NUP188: variants seen among roughly 807,000 people sequenced by gnomAD.
The protein encoded by NUP188 is nucleoporin NUP188.
In NUP188, 97 loss-of-function variants were observed where a neutral mutation model predicts 223.0. The ratio of observed to expected loss-of-function variants is 0.43; its 90% confidence interval spans 0.37 to 0.51. NUP188 has a LOEUF of 0.51. Ranked by LOEUF, NUP188 falls within the 20% of genes least tolerant of loss-of-function variation. The pLI is 0.00. For missense variants in NUP188, 1,947 were observed against 2,175.6 expected (o/e 0.89, Z 2.09); for synonymous variants, 869 against 828.0 (o/e 1.05, Z -0.85).
intron 8 of NUP188, among the ~76,000 whole-genome samples, chr9:128,959,411 G>A (rs1345340070): frequency 6.6e-6 from 1 of 151,680 alleles, no homozygotes; most frequent in Non-Finnish European, 1.5e-5. Context: ...CAAAGTGCTG[G>A]GATTACAAGT....
intron 8 of NUP188, among the ~76,000 whole-genome samples, chr9:128,965,191 T>A (rs1435683066): frequency 6.6e-6 from 1 of 152,122 alleles, no homozygotes; most frequent in Non-Finnish European, 1.5e-5. Flanking sequence ...TTTTTAAAAT[T>A]TTCATCAAGT....
At chr9:128,952,240 T>G (rs1841799373) in intron 2 of NUP188, among the ~76,000 whole-genome samples, 1 of 150,626 alleles carries the variant, frequency 6.6e-6, no homozygotes, top group Admixed American at 6.6e-5. Flanking sequence ...CTACTAAAAA[T>G]ACAAAAAAAA....
intron 22 of NUP188, among the ~76,000 whole-genome samples, chr9:128,987,108 T>A (rs1301926280): frequency 5.3e-5 from 8 of 151,524 alleles, no homozygotes; most frequent in Non-Finnish European, 8.8e-5. Context: ...TGTGTGTGTG[T>A]GTGTGTGTGT....
chr9:128,959,667 G>A (rs988128790), intron 8 of NUP188, among the ~76,000 whole-genome samples: 3 of 151,228 alleles, frequency 2.0e-5, no homozygotes, highest in African/African-American at 7.3e-5. Context: ...CAAGTAGCTG[G>A]GATTACAGGC....
intron 34 of NUP188, 40 bp from the exon 35 acceptor site, chr9:129,001,489 C>T (rs373260968): frequency 2.5e-6 from 4 of 1,591,614 alleles, no homozygotes; most frequent in Non-Finnish European, 3.4e-6. Flanking sequence ...TCCTCCTCCT[C>T]TTCTTCTTCC....
chr9:128,971,732 G>T (rs1337907341), intron 11 of NUP188, among the ~76,000 whole-genome samples: 1 of 150,312 alleles, frequency 6.7e-6, no homozygotes, highest in South Asian at 2.1e-4. Flanking sequence ...AGCTCGTTTT[G>T]ACATGGTGAA....
At chr9:128,986,763 T>G in intron 21 of NUP188, 46 bp from the exon 22 acceptor site, 2 of 1,612,544 alleles carry the variant, frequency 1.2e-6, no homozygotes, top group Non-Finnish European at 1.7e-6. Context: ...AGATAAGGGG[T>G]CATTTCACAA....
At chr9:129,000,013 C>T (rs2131189522) in intron 34 of NUP188, among the ~76,000 whole-genome samples, 1 of 152,338 alleles carries the variant, frequency 6.6e-6, no homozygotes, top group South Asian at 2.1e-4. Flanking sequence ...AACTTAGTCT[C>T]ACTTCTGACT....
chr9:128,997,318 G>A (rs1345176735), intron 30 of NUP188, among the ~76,000 whole-genome samples: 2 of 152,190 alleles, frequency 1.3e-5, no homozygotes, highest in African/African-American at 4.8e-5. Flanking sequence ...ACCAGATCCT[G>A]TGGGGTCTTT....
chr9:128,947,734 C>A lies in NUP188; in HGVS notation c.15C>A (p.Ala5=), dbSNP rs541473299. The change falls in exon 1 of 44, where the codon GCC becomes GCA. Residue 5 remains alanine (A), a synonymous_variant. Transcript: ENST00000372577. MAAA[A]GGPCVRSSRE... ...GGCGCGCGAAGATGGCGGCGGCCGC[C>A]GGCGGGCCGTGTGTGAGGTGCGGAG... is the stretch of plus-strand genomic sequence containing the variant. The A allele has an allele frequency of 2.0e-6, 3 of 1,469,748 alleles. No homozygotes were observed. Among genetic ancestry groups the A allele is most frequent in the Non-Finnish European group, 2.7e-6 (3 of 1,112,730 alleles). The allele number at this position is 1,469,748 out of a possible 1,614,324, so 91.0% of individuals were successfully genotyped here.
intron 10 of NUP188, 42 bp downstream of exon 10, chr9:128,969,556 TTAG>T (rs755352136): frequency 4.5e-6 from 5 of 1,111,646 alleles, no homozygotes; most frequent in African/African-American, 1.6e-5. Flanking sequence ...GGTTTATAAG[TTAG>T]TAGTAGCTTT....
At chr9:128,948,024 C>T (rs1192929699) in intron 1 of NUP188, 1 of 353,602 alleles carries the variant, frequency 2.8e-6, no homozygotes, top group Non-Finnish European at 5.1e-6. Flanking sequence ...CCTTCCTCCT[C>T]TCTCACCTCC....
chr9:128,956,465 T>C (rs1841872403), intron 4 of NUP188, 31 bp downstream of exon 4: 1 of 1,192,416 alleles, frequency 8.4e-7, no homozygotes, highest in African/African-American at 1.6e-5. Context: ...GCTCAATTTA[T>C]TACTTGCAGT....
intron 39 of NUP188, 22 bp from the exon 40 acceptor site, chr9:129,005,281 T>A (rs1842763350): frequency 1.2e-6 from 2 of 1,613,228 alleles, no homozygotes; most frequent in Non-Finnish European, 1.7e-6. Flanking sequence ...AAGCTCCACC[T>A]TCATTTCTTG....
At chr9:128,994,584 G>C in intron 28 of NUP188, 142 bp downstream of exon 28, 1 of 729,764 alleles carries the variant, frequency 1.4e-6, no homozygotes, top group Non-Finnish European at 2.4e-6. Flanking sequence ...CTTTCTCAGG[G>C]AAGTGCCAGC....
chr9:128,970,327 T>C (rs1338039211), intron 10 of NUP188, among the ~76,000 whole-genome samples: 1 of 152,060 alleles, frequency 6.6e-6, no homozygotes, highest in Non-Finnish European at 1.5e-5. Flanking sequence ...GATTCATTCA[T>C]GGAGATGGTA....
At chr9:128,999,887 A>C (rs2131189287) in intron 34 of NUP188, 82 bp downstream of exon 34, 1 of 1,333,592 alleles carries the variant, frequency 7.5e-7, no homozygotes, top group East Asian at 2.4e-5. Context: ...AGTAGTGATC[A>C]AGACAGATAG....
At chr9:128,956,233 G>A in intron 3 of NUP188, 117 bp from the exon 4 acceptor site, 1 of 533,740 alleles carries the variant, frequency 1.9e-6, no homozygotes, top group Non-Finnish European at 3.3e-6. Context: ...TTGTGTGTGT[G>A]TTTATAGGCA....
At chr9:128,994,495 C>CT in intron 28 of NUP188, 53 bp downstream of exon 28, 1 of 1,256,806 alleles carries the variant, frequency 8.0e-7, no homozygotes, top group East Asian at 2.3e-5. Context: ...GGAGGAAAGG[C>CT]TGTGGGCTGT....
Sources: allele counts gnomAD v4.1 joint callset (sites outside exome capture counted in the v4.1 genomes callset), GRCh38; gene constraint gnomAD v4.1.1; transcripts MANE v1.5; gene names NCBI Gene and HGNC (gene_info 2026-07-23, HGNC 2026-07-21).